KANK1: variants seen among roughly 807,000 people sequenced by gnomAD.
The protein encoded by KANK1 is KN motif and ankyrin repeat domains 1.
Under a neutral mutation model 106.2 loss-of-function variants are expected in KANK1, and 109 were observed. That is an observed-to-expected ratio of 1.03 (90% CI 0.88 to 1.20). The LOEUF (loss-of-function observed/expected upper bound fraction) is 1.20, where lower values mean the gene tolerates loss of function less well. Ranked by LOEUF, KANK1 falls within the 50% of genes most tolerant of loss-of-function variation. KANK1 has a pLI of 0.00. For missense variants in KANK1, 2,399 were observed against 1,710.7 expected (o/e 1.40, Z -7.10); for synonymous variants, 873 against 652.2 (o/e 1.34, Z -5.16).
chr9:730,033 C>G lies in KANK1; in HGVS notation c.2699-18C>G. 6.2e-7 allele frequency: 1 copy of G among 1,610,544 alleles called. No individual in the cohort carries two copies. On this transcript the variant is annotated intron_variant, in intron 3 of 11. Transcript: ENST00000382297. Reference sequence around the variant, plus strand: ...AGTCCTAGCATCACACACTCTGTACCTTTCTTTTTCCTGATAGGCAATTAT... The same window carrying G: ...AGTCCTAGCATCACACACTCTGTACGTTTCTTTTTCCTGATAGGCAATTAT...
intron 1 of KANK1, among the ~76,000 whole-genome samples, chr9:557,088 CA>C: frequency 6.6e-6 from 1 of 150,644 alleles, no homozygotes; most frequent in Non-Finnish European, 1.5e-5. Context: ...GAGGCCAAGG[CA>C]GGAGGATCAC....
chr9:609,044 C>T (rs151217292), intron 1 of KANK1, among the ~76,000 whole-genome samples: 55 of 151,938 alleles, frequency 3.6e-4, no homozygotes, highest in African/African-American at 1.2e-3. Context: ...CCTGCAAGAT[C>T]GTTGAAAATC....
At chr9:516,574 G>C (rs886228963) in intron 1 of KANK1, among the ~76,000 whole-genome samples, 1 of 151,654 alleles carries the variant, frequency 6.6e-6, no homozygotes, top group Non-Finnish European at 1.5e-5. Flanking sequence ...GGTTTTGGCT[G>C]TAGAGTGGGA....
chr9:578,192 A>G lies in KANK1; in HGVS notation c.-84+73438A>G, dbSNP rs529280048. On this transcript the variant is annotated intron_variant, in intron 1 of 11. Transcript: ENST00000382297. ...GCTTTCTCGTTGGATCACCCCAGAAATAAATCAGTAAAAGCATTCACCTTT... is the reference window on the plus strand; with the variant it reads ...GCTTTCTCGTTGGATCACCCCAGAAGTAAATCAGTAAAAGCATTCACCTTT... Among the ~76,000 whole-genome samples, 37 of 152,346 alleles carry G rather than the reference A, an allele frequency of 2.4e-4. 1 individual carries two copies. The highest frequency in any genetic ancestry group is 8.7e-4 in the African/African-American group (36 of 41,574).
At chr9:732,313 A>G in intron 5 of KANK1, 65 bp from the exon 6 acceptor site, 1 of 1,540,142 alleles carries the variant, frequency 6.5e-7, no homozygotes, top group Non-Finnish European at 8.7e-7. Context: ...CCCTTCATAG[A>G]AATTTCTATC....
At chr9:511,245 G>C (rs2059015742) in intron 1 of KANK1, among the ~76,000 whole-genome samples, 1 of 152,186 alleles carries the variant, frequency 6.6e-6, no homozygotes, top group South Asian at 2.1e-4. Flanking sequence ...TTTTGAAAAA[G>C]TAAAAGGTGG....
At chr9:617,798 C>G (rs900096101) in intron 1 of KANK1, among the ~76,000 whole-genome samples, 4 of 152,240 alleles carry the variant, frequency 2.6e-5, no homozygotes, top group African/African-American at 7.2e-5. Context: ...TTCCACTTTC[C>G]TCTTTCCTGC....
chr9:555,092 G>T (rs780545709), intron 1 of KANK1, among the ~76,000 whole-genome samples: 5 of 152,170 alleles, frequency 3.3e-5, no homozygotes, highest in South Asian at 2.1e-4. Flanking sequence ...CTGGCCTAGC[G>T]ACCACACTTT....
rs1564040609 is a variant in KANK1 at position 711,757 on chromosome 9, C to T, written c.991C>T (p.Gln331Ter). 6.2e-7 allele frequency: 1 copy of T among 1,614,216 alleles called. No homozygotes were observed. The highest frequency in any genetic ancestry group is 8.5e-7 in the Non-Finnish European group (1 of 1,180,038). The change falls in exon 3 of 12, where the codon CAG becomes TAG. Residue 331 changes from glutamine (Q) to a stop codon, truncating the protein, a stop_gained. Transcript: ENST00000382297. LOFTEE classifies it high-confidence loss of function. Reference protein sequence around the residue: ...KRSYSAGNASQLEQLSRARRS... With the variant: ...KRSYSAGNAS ...GTCCTATAGTGCGGGGAACGCCTCC[C>T]AGCTGGAACAGCTCTCCCGGGCCCG...
rs970580610 is a variant in KANK1 at position 731,341 on chromosome 9, C to T, written c.3005+75C>T. 8.2e-6 allele frequency: 7 copies of T among 858,150 alleles called. No individual in the cohort carries two copies. The African/African-American group carries it at 8.6e-5, about 11-fold the overall frequency. 53.2% of individuals were successfully genotyped at this position (858,150 alleles called of 1,614,324 possible). ...CTCCTGCCTAAGTCACATTTCAAGG[C>T]GCCTAGTCGGGGAAGCGGCCACAGC... On this transcript the variant is annotated intron_variant, in intron 5 of 11. Transcript: ENST00000382297.
intron 3 of KANK1, among the ~76,000 whole-genome samples, chr9:716,755 G>A (rs1359119263): frequency 6.6e-6 from 1 of 152,170 alleles, no homozygotes; most frequent in African/African-American, 2.4e-5. Flanking sequence ...ACTAGAGCAT[G>A]CATCATAAGA....
intron 1 of KANK1, among the ~76,000 whole-genome samples, chr9:508,642 C>G (rs1304795334): frequency 2.0e-5 from 3 of 147,156 alleles, no homozygotes; most frequent in African/African-American, 8.2e-5. Flanking sequence ...TACACAGACT[C>G]ACACGGTATA....
At chr9:549,194 C>T (rs1281436874) in intron 1 of KANK1, 2 of 152,122 alleles carry the variant, frequency 1.3e-5, no homozygotes, top group African/African-American at 2.4e-5. Context: ...TGACAGTCCT[C>T]GCAGTCCGCC....
intron 1 of KANK1, among the ~76,000 whole-genome samples, chr9:582,294 G>C (rs1237695856): frequency 2.6e-5 from 4 of 152,030 alleles, no homozygotes; most frequent in African/African-American, 9.7e-5. Flanking sequence ...GCATTTCTTT[G>C]TTGTTGTTGT....
intron 3 of KANK1, among the ~76,000 whole-genome samples, chr9:728,042 C>G (rs1831204814): frequency 6.6e-6 from 1 of 152,088 alleles, no homozygotes; most frequent in African/African-American, 2.4e-5. Context: ...AAACAGAGAT[C>G]TTAGGAGTGA....
intron 3 of KANK1, among the ~76,000 whole-genome samples, chr9:484,652 C>T (rs987227509): frequency 2.0e-5 from 3 of 151,900 alleles, no homozygotes; most frequent in Admixed American, 6.6e-5. Context: ...TATAAAGTGA[C>T]CAAAAAGAAA....
intron 2 of KANK1, among the ~76,000 whole-genome samples, chr9:700,549 T>C (rs914000088): frequency 6.6e-6 from 1 of 152,204 alleles, no homozygotes; most frequent in Admixed American, 6.5e-5. Flanking sequence ...ACTGGTTTGC[T>C]TTCCTGCTGA....
In KANK1 at chr9:517,738, CTTT is replaced by C. The variant is rs34749352; in HGVS notation, c.-84+13000_-84+13002del. On this transcript the variant is annotated intron_variant, in intron 1 of 11. Coordinates refer to ENST00000382297, the MANE Select transcript of KANK1 (RefSeq NM_015158.5). ...AACGAGTAATAAGACCTTGAGGATT[CTTT>C]TTTTTTTTTTTTTTTGAGACAGAGT... Among the ~76,000 whole-genome samples, 648 of 111,044 alleles carry C rather than the reference CTTT, an allele frequency of 5.8e-3. 10 individuals are homozygous for C. The highest frequency in any genetic ancestry group is 0.019 in the African/African-American group (573 of 30,750). 72.8% of individuals were successfully genotyped at this position (111,044 alleles called of 152,430 possible).
chr9:511,124 G>A (rs1395670769), intron 1 of KANK1, among the ~76,000 whole-genome samples: 3 of 152,226 alleles, frequency 2.0e-5, no homozygotes, highest in Non-Finnish European at 2.9e-5. Context: ...GGAAAGGGAT[G>A]GAGAAATTAA....
Sources: gnomAD v4.1 joint callset for allele counts (sites outside exome capture counted in the v4.1 genomes callset) on GRCh38, gnomAD v4.1.1 for gene constraint, MANE v1.5 for transcripts, NCBI Gene and HGNC (gene_info 2026-07-23, HGNC 2026-07-21) for gene names.